WWC2: variants seen among roughly 807,000 people sequenced by gnomAD.
WWC2 encodes WW and C2 domain containing 2.
A neutral mutation model predicts 138.5 loss-of-function variants in WWC2; 101 were observed. The observed-to-expected ratio is 0.73, with a 90% CI of 0.62 to 0.86. The LOEUF is 0.86. WWC2 is among the 40% of genes least tolerant of loss of function. The pLI is 0.00. For missense variants in WWC2, 1,420 were observed against 1,419.4 expected, an observed-to-expected ratio of 1.00 and a Z score of -0.01; for synonymous variants, 558 against 538.4, an observed-to-expected ratio of 1.04 and a Z score of -0.50.
chr4:183,317,452 C>T lies in WWC2; in HGVS notation c.*1723C>T, dbSNP rs1010460152. ...ACTGAGTACAGTCCTTTAAGGCTGC[C>T]CAGTTCATTCTATTAGATGACTAAG... On this transcript the variant is annotated 3_prime_UTR_variant, in exon 23 of 23. Transcript: ENST00000403733. 6 of 152,546 alleles carry T rather than the reference C, an allele frequency of 3.9e-5. No homozygotes were observed. Among genetic ancestry groups the T allele is most frequent in the Admixed American group, 2.0e-4 (3 of 15,272 alleles). 9.4% of individuals were successfully genotyped at this position (152,546 alleles called of 1,614,324 possible).
chr4:183,124,891 C>T (rs1732713828), intron 1 of WWC2, among the ~76,000 whole-genome samples: 2 of 152,084 alleles, frequency 1.3e-5, no homozygotes, highest in East Asian at 3.9e-4. Flanking sequence ...TTATTCAGAA[C>T]TTAGAATCTA....
chr4:183,201,271 GTTT>G (rs1735289326), intron 2 of WWC2, among the ~76,000 whole-genome samples: 1 of 1,220 alleles, frequency 8.2e-4, no homozygotes, highest in Non-Finnish European at 5.1e-3. Flanking sequence ...CTAGCATACA[GTTT>G]GTTTGTTTTT....
At chr4:183,164,304 AT>A (rs1734053457) in intron 1 of WWC2, among the ~76,000 whole-genome samples, 1 of 754 alleles carries the variant, frequency 1.3e-3, no homozygotes, top group African/African-American at 1.9e-3. Context: ...ATATATACAT[AT>A]ATATATTATA....
intron 4 of WWC2, among the ~76,000 whole-genome samples, chr4:183,212,401 A>G (rs1735623414): frequency 6.6e-6 from 1 of 152,098 alleles, no homozygotes; most frequent in Admixed American, 6.5e-5. Flanking sequence ...TGGTTTGTCA[A>G]ATGCCTTGGT....
At chr4:183,144,323 GATT>G (rs1396593100) in intron 1 of WWC2, among the ~76,000 whole-genome samples, 20 of 152,102 alleles carry the variant, frequency 1.3e-4, no homozygotes, top group Admixed American at 1.3e-3. Context: ...GATAATGTAA[GATT>G]ATAGTTTGGT....
At chr4:183,145,418 A>G (rs185919856) in intron 1 of WWC2, among the ~76,000 whole-genome samples, 102 of 152,324 alleles carry the variant, frequency 6.7e-4, no homozygotes, top group Non-Finnish European at 1.0e-3. Context: ...CATATTATCA[A>G]TATTTTAAAA....
chr4:183,114,106 T>C (rs1732337190), intron 1 of WWC2, among the ~76,000 whole-genome samples: 1 of 152,078 alleles, frequency 6.6e-6, no homozygotes, highest in South Asian at 2.1e-4. Context: ...TAGTTGGAGG[T>C]AGGGCCTGGT....
At chr4:183,282,574 A>T in intron 17 of WWC2, 134 bp from the exon 18 acceptor site, 1 of 882,080 alleles carries the variant, frequency 1.1e-6, no homozygotes, top group Non-Finnish European at 1.7e-6. Flanking sequence ...TTAGTTAAAA[A>T]CCCCAGCCAA....
chr4:183,209,465 G>T (rs1033407588), intron 4 of WWC2, among the ~76,000 whole-genome samples: 10 of 152,162 alleles, frequency 6.6e-5, no homozygotes, highest in African/African-American at 2.4e-4. Flanking sequence ...TTGAACTCCT[G>T]ACTGCAAGTT....
intron 1 of WWC2, among the ~76,000 whole-genome samples, chr4:183,151,524 G>A (rs1733634448): frequency 6.6e-6 from 1 of 152,166 alleles, no homozygotes; most frequent in African/African-American, 2.4e-5. Context: ...CTTTTGCTGT[G>A]CAGAAGCTCT....
At chr4:183,139,942 A>G (rs1484239311) in intron 1 of WWC2, among the ~76,000 whole-genome samples, 1 of 152,154 alleles carries the variant, frequency 6.6e-6, no homozygotes, top group Non-Finnish European at 1.5e-5. Flanking sequence ...CCTCCCGAGT[A>G]GGTGGGATCA....
rs1174537164 is a variant in WWC2, at chr4:183,319,536, A to G, written c.*3807A>G. On this transcript the variant is annotated 3_prime_UTR_variant, in exon 23 of 23. Coordinates refer to ENST00000403733, the MANE Select transcript of WWC2 (RefSeq NM_024949.6). The stretch of plus-strand genomic sequence containing the variant: ...GTTGAGCAAGCGTCTCCTGAACAGC[A>G]GACGCTTGTCCTTTCTGGCTTAGTG... The G allele has an allele frequency of 6.3e-6, 10 of 1,587,894 alleles. No individual in the cohort carries two copies. Among genetic ancestry groups the G allele is most frequent in the Non-Finnish European group, 8.6e-6 (10 of 1,167,482 alleles).
chr4:183,152,496 C>G (rs1225505188), intron 1 of WWC2, among the ~76,000 whole-genome samples: 3 of 147,244 alleles, frequency 2.0e-5, no homozygotes, highest in Non-Finnish European at 4.5e-5. Flanking sequence ...AAGACCCTGC[C>G]TCTTAAAAAA....
intron 1 of WWC2, among the ~76,000 whole-genome samples, chr4:183,165,208 C>T (rs1734099419): frequency 6.6e-6 from 1 of 151,982 alleles, no homozygotes; most frequent in South Asian, 2.1e-4. Context: ...GGTACAAGGG[C>T]CTCTTCTGAC....
intron 1 of WWC2, among the ~76,000 whole-genome samples, chr4:183,192,384 G>T (rs1735014319): frequency 6.6e-6 from 1 of 152,134 alleles, no homozygotes; most frequent in Admixed American, 6.5e-5. Flanking sequence ...CCTCATTATT[G>T]CTTCTGTCTG....
intron 1 of WWC2, among the ~76,000 whole-genome samples, chr4:183,134,310 T>G (rs1283257230): frequency 4.0e-5 from 6 of 151,100 alleles, no homozygotes; most frequent in African/African-American, 1.5e-4. Context: ...CTACTTTGGG[T>G]TGATTTTACT....
intron 1 of WWC2, among the ~76,000 whole-genome samples, chr4:183,152,991 G>A (rs1003687262): frequency 6.6e-6 from 1 of 152,116 alleles, no homozygotes; most frequent in Non-Finnish European, 1.5e-5. Context: ...GAATCCCTGG[G>A]CTCAAGTGAT....
chr4:183,179,530 G>C (rs1734562483), intron 1 of WWC2, among the ~76,000 whole-genome samples: 1 of 151,952 alleles, frequency 6.6e-6, no homozygotes, highest in Admixed American at 6.6e-5. Context: ...GTTGTAAATA[G>C]GGCTGTGTTC....
In WWC2 at chr4:183,129,843, A is replaced by G. The variant is rs531564735; in HGVS notation, c.131+30221A>G. Among the ~76,000 whole-genome samples the G allele has an allele frequency of 3.3e-5, 5 of 152,242 alleles. No homozygotes were observed. In the South Asian group the frequency reaches 8.3e-4, roughly 25 times the overall value. ...CTTTGATGGCTTTTGTGATAGCTCT[A>G]TGTCTGCAGTCATGTGATCACTTAC... On this transcript the variant is annotated intron_variant, in intron 1 of 22. Transcript: ENST00000403733.
Sources: allele counts gnomAD v4.1 joint callset (sites outside exome capture counted in the v4.1 genomes callset), GRCh38; gene constraint gnomAD v4.1.1; transcripts MANE v1.5; gene names NCBI Gene and HGNC (gene_info 2026-07-23, HGNC 2026-07-21).